Variants in C17orf75 observed in about 807,000 individuals in gnomAD.
C17orf75 encodes chromosome 17 open reading frame 75.
A neutral mutation model predicts 49.6 loss-of-function variants in C17orf75; 32 were observed. The ratio of observed to expected loss-of-function variants is 0.65; its 90% CI spans 0.49 to 0.87. The LOEUF is 0.87. Ranked by LOEUF, C17orf75 falls within the 40% of genes least tolerant of loss-of-function variation. C17orf75 has a pLI of 0.00. For missense variants in C17orf75, 428 were observed against 473.9 expected (o/e 0.90, Z 0.90); for synonymous variants, 158 against 159.5 (o/e 0.99, Z 0.07).
At chr17:32,347,834 G>A (rs2041436940) in intron 1 of C17orf75, among the ~76,000 whole-genome samples, 1 of 152,070 alleles carries the variant, frequency 6.6e-6, no homozygotes. Flanking sequence ...GCAGTTGGGG[G>A]GATATTCAGC....
At position 32,342,071 on chromosome 17, in the gene C17orf75, G is replaced by A. The variant is rs2041387439; in HGVS notation, c.69C>T (p.Gly23=). The A allele has an allele frequency of 1.9e-6, 3 of 1,581,286 alleles. No homozygotes were observed. Among genetic ancestry groups the A allele is most frequent in the Non-Finnish European group, 1.7e-6 (2 of 1,165,712 alleles). Residue 23 remains glycine (G), a synonymous_variant, in exon 1 of 10, where the codon GGC becomes GGT. Transcript: ENST00000577809. ...GCTCGAGTCTCCGCTCCTCGGCTGA[G>A]CCTCCCTCTTCGCTGCTCTCTAGTT... is the stretch of plus-strand genomic sequence containing the variant. ...EKELESSEEG[G]SAEERRLEPP... is the part of the protein sequence containing the mutation.
chr17:32,333,459 G>A lies in C17orf75; in HGVS notation c.933C>T (p.Asn311=). Reference sequence around the variant, plus strand: ...CCAGTACTTGTCGGAAAAGAAAAGGGTTACCTCCTTTGGCACCATTTAAAA... The same window carrying A: ...CCAGTACTTGTCGGAAAAGAAAAGGATTACCTCCTTTGGCACCATTTAAAA... The part of the protein sequence containing the change: ...QAFLNGAKGG[N]PFLFRQVLEN... Residue 311 remains asparagine, a synonymous_variant, in exon 9 of 10, where the codon AAC becomes AAT. Coordinates refer to ENST00000577809, the MANE Select transcript of C17orf75 (RefSeq NM_022344.4). 6.2e-7 allele frequency: 1 copy of A among 1,613,420 alleles called. No homozygotes were observed.
rs750066007 is a variant in C17orf75, at chr17:32,337,904, T to C, written c.542A>G (p.Asn181Ser). ...KYIQGLKNNM[N>S]CEARGLESHI... ...TTAAGTCAGTCACCTTACCTCACAATTCATGTTATTTTTCAGCCCTTGAAT... is the reference window on the plus strand; with the variant it reads ...TTAAGTCAGTCACCTTACCTCACAACTCATGTTATTTTTCAGCCCTTGAAT... The change falls in exon 5 of 10, where the codon AAT becomes AGT. Residue 181 changes from asparagine to serine, a missense_variant. Asn to Ser is a conservative substitution (Grantham distance 46). Transcript: ENST00000577809. 37 of 1,604,634 alleles carry C rather than the reference T, an allele frequency of 2.3e-5. 1 individual carries two copies. In the Middle Eastern group the frequency reaches 1.3e-3, roughly 57 times the overall value.
Position 32,348,867 on chromosome 17 carries a change from C to CTTTTTTTTTTTTT in C17orf75, c.-7+1062_-7+1074dup, listed in dbSNP as rs561014138. Among the ~76,000 whole-genome samples, 241 of 108,848 alleles carry CTTTTTTTTTTTTT rather than the reference C, an allele frequency of 2.2e-3. 11 individuals are homozygous for CTTTTTTTTTTTTT. Among genetic ancestry groups the CTTTTTTTTTTTTT allele is most frequent in the African/African-American group, 3.1e-3 (83 of 26,534 alleles). 71.4% of individuals were successfully genotyped at this position (108,848 alleles called of 152,430 possible). On this transcript the variant is annotated intron_variant, in intron 1 of 8. Coordinates refer to the C17orf75 transcript ENST00000583774. ...CAGCACCTTCACTGACAGCTCCAGT[C>CTTTTTTTTTTTTT]TTTTTTTTTTTTTTTTGAGACGGAG...
intron 8 of C17orf75, among the ~76,000 whole-genome samples, 171 bp downstream of exon 8, chr17:32,334,298 A>C (rs1294221765): frequency 6.6e-6 from 1 of 152,172 alleles, no homozygotes; most frequent in East Asian, 1.9e-4. Context: ...GCATGGCATG[A>C]TTTCCATGTT....
At chr17:32,336,068 T>G (rs899753395) in intron 5 of C17orf75, among the ~76,000 whole-genome samples, 2 of 152,204 alleles carry the variant, frequency 1.3e-5, no homozygotes, top group African/African-American at 4.8e-5. Context: ...CTATTAGACT[T>G]GCATCAGTTG....
At chr17:32,338,174 T>A in intron 4 of C17orf75, 34 bp downstream of exon 4, 1 of 1,601,700 alleles carries the variant, frequency 6.2e-7, no homozygotes, top group Non-Finnish European at 8.5e-7. Context: ...CATGTTTTCC[T>A]TCCTGATGTT....
In C17orf75 at chr17:32,334,492, G is replaced by C; in HGVS notation, c.848C>G (p.Ser283Cys). The change falls in exon 8 of 10, where the codon TCC becomes TGC. Residue 283 changes from serine (S) to cysteine (C), a missense_variant. By Grantham distance (112) the Ser-to-Cys change is moderately radical. Transcript: ENST00000577809. Reference sequence around the variant, plus strand: ...ACCTGCATTGCAGAACTGAGGCTGGGAGCTGCTGCAATCGATGACCACAGA... The same window carrying C: ...ACCTGCATTGCAGAACTGAGGCTGGCAGCTGCTGCAATCGATGACCACAGA... ...HKSVVIDCSSSQPQFCNAGSN... is the reference protein window; with the variant it reads ...HKSVVIDCSSCQPQFCNAGSN... The C allele has an allele frequency of 6.2e-7, 1 of 1,612,376 alleles. No homozygotes were observed. The highest frequency in any genetic ancestry group is 8.5e-7 in the Non-Finnish European group (1 of 1,179,358).
At chr17:32,334,908 A>G in intron 6 of C17orf75, 69 bp from the exon 7 acceptor site, 1 of 1,277,160 alleles carries the variant, frequency 7.8e-7, no homozygotes, top group Non-Finnish European at 1.1e-6. Flanking sequence ...ACTCATGACT[A>G]AATGTCCCCA....
chr17:32,333,628 C>G lies in C17orf75; in HGVS notation c.872-108G>C, dbSNP rs149996401. ...TCTTGTTGCCCGGCTGGAGTGCAGC[C>G]GGAGTACTAACTATATCGTTAGTAG... On this transcript the variant is annotated intron_variant, in intron 8 of 9. Coordinates refer to ENST00000577809, the MANE Select transcript of C17orf75 (RefSeq NM_022344.4). 1,149 of 949,750 alleles carry G rather than the reference C, an allele frequency of 1.2e-3. 7 individuals are homozygous for G. In the African/African-American group the frequency reaches 0.015, roughly 13 times the overall value. 58.8% of individuals were successfully genotyped at this position (949,750 alleles called of 1,614,324 possible). A position where few individuals can be genotyped will look rare whatever the true frequency, so the allele number is the denominator to read the frequency against.
upstream of C17orf75, chr17:32,344,001 G>A (rs572103171): frequency 3.8e-5 from 26 of 680,922 alleles, no homozygotes; most frequent in South Asian, 3.4e-4. Context: ...AATATCGTGG[G>A]TTTAATCCTG....
At chr17:32,333,013 G>A (rs1374160862) in intron 9 of C17orf75, among the ~76,000 whole-genome samples, 1 of 152,160 alleles carries the variant, frequency 6.6e-6, no homozygotes, top group Non-Finnish European at 1.5e-5. Flanking sequence ...GTTTTGCCAT[G>A]TTGGCCAGGC....
chr17:32,332,833 A>G (rs2041289586), intron 9 of C17orf75, among the ~76,000 whole-genome samples: 1 of 152,002 alleles, frequency 6.6e-6, no homozygotes, highest in East Asian at 1.9e-4. Flanking sequence ...TTTTTTAGAC[A>G]GAGTCTCACT....
intron 1 of C17orf75, chr17:32,341,795 G>C: frequency 9.5e-7 from 1 of 1,055,486 alleles, no homozygotes; most frequent in Non-Finnish European, 1.1e-6. Context: ...GTTGGGCCAG[G>C]CATACAAGTC....
intron 9 of C17orf75, among the ~76,000 whole-genome samples, chr17:32,332,594 G>A (rs1046035187): frequency 5.9e-5 from 9 of 152,182 alleles, no homozygotes; most frequent in East Asian, 1.9e-4. Context: ...GCAAGACCCC[G>A]TCTCTACAAA....
Position 32,339,903 on chromosome 17 carries a change from A to G in C17orf75, c.257T>C (p.Val86Ala). ...AATGAAACTGCGCAGCTCTGGCTCC[A>G]CTTCGGATGGTAGATTAGTATCTGC... Reference protein sequence around the residue: ...SLADTNLPSEVEPELRSFIAK... With the variant: ...SLADTNLPSEAEPELRSFIAK... Residue 86 changes from valine (V) to alanine (A), a missense_variant, in exon 3 of 10, where the codon GTG becomes GCG. Transcript: ENST00000577809. 1 of 1,614,000 alleles carries G rather than the reference A, an allele frequency of 6.2e-7. No individual in the cohort carries two copies.
rs1013715126 is a variant in C17orf75 at position 32,341,337 on chromosome 17, G to C, written c.141-53C>G. 5 of 1,581,538 alleles carry C rather than the reference G, an allele frequency of 3.2e-6. No homozygotes were observed. The African/African-American group carries it at 6.7e-5, about 21-fold the overall frequency. On this transcript the variant is annotated intron_variant, in intron 1 of 9. Coordinates refer to ENST00000577809, the MANE Select transcript of C17orf75 (RefSeq NM_022344.4). ...TCAATTATGGGCTCTAAACCAAGAG[G>C]AGTATGGGGGCCTGGCAAGCAGGGT...
intron 5 of C17orf75, among the ~76,000 whole-genome samples, chr17:32,336,884 A>T (rs1179426949): frequency 6.6e-6 from 1 of 151,750 alleles, no homozygotes; most frequent in Non-Finnish European, 1.5e-5. Context: ...AGTGGTTCAT[A>T]CCTGTAATCC....
intron 3 of C17orf75, 88 bp from the exon 4 acceptor site, chr17:32,338,439 G>T: frequency 7.6e-7 from 1 of 1,323,322 alleles, no homozygotes; most frequent in Non-Finnish European, 1.0e-6. Context: ...TGGTCATCTT[G>T]ATCTGGCAAC....
Sources: allele counts gnomAD v4.1 joint callset (sites outside exome capture counted in the v4.1 genomes callset), GRCh38; gene constraint gnomAD v4.1.1; transcripts MANE v1.5; gene names NCBI Gene and HGNC (gene_info 2026-07-23, HGNC 2026-07-21).